IGFBP2: variants seen among roughly 807,000 people sequenced by gnomAD.
IGFBP2 encodes insulin-like growth factor-binding protein 2.
IGFBP2 carries 12 observed loss-of-function variants against 26.2 expected under a neutral mutation model. The ratio of observed to expected loss-of-function variants is 0.46; its 90% CI spans 0.29 to 0.74. The LOEUF (loss-of-function observed/expected upper bound fraction) is 0.74. Among genes scored for constraint, IGFBP2 ranks in the 30% least tolerant of loss-of-function variants. IGFBP2 has a pLI of 0.09. For missense variants in IGFBP2, 328 were observed against 441.2 expected (o/e 0.74, Z 2.30); for synonymous variants, 189 against 200.6 (o/e 0.94, Z 0.49).
intron 1 of IGFBP2, among the ~76,000 whole-genome samples, chr2:216,658,653 A>G (rs1453481172): frequency 2.0e-5 from 3 of 152,006 alleles, no homozygotes; most frequent in Non-Finnish European, 4.4e-5. Flanking sequence ...GGGTTCAAGC[A>G]ATTGTCCTGT....
At chr2:216,660,428 A>G in intron 1 of IGFBP2, 129 bp from the exon 2 acceptor site, 1 of 648,704 alleles carries the variant, frequency 1.5e-6, no homozygotes. Flanking sequence ...GGGCCCTGAC[A>G]GGCCATCAGC....
intron 1 of IGFBP2, among the ~76,000 whole-genome samples, chr2:216,635,967 T>G (rs1697486528): frequency 6.6e-6 from 1 of 150,954 alleles, no homozygotes; most frequent in Non-Finnish European, 1.5e-5. Context: ...GGGGTGGGGC[T>G]GGAAGCTGAG....
chr2:216,660,711 C>T lies in IGFBP2; in HGVS notation c.597C>T (p.His199=), dbSNP rs746132029. The change falls in exon 2 of 4, where the codon CAC becomes CAT. Residue 199 remains histidine (H), a synonymous_variant. Transcript: ENST00000233809. ...AVFREKVTEQ[H]RQMGKGGKHH... ...TCCGGGAGAAGGTCACTGAGCAGCA[C>T]CGGCAGATGGGCAAGGGTGGCAAGC... 6.2e-7 allele frequency: 1 copy of T among 1,613,888 alleles called. No homozygotes were observed. Among genetic ancestry groups the T allele is most frequent in the Non-Finnish European group, 8.5e-7 (1 of 1,179,978 alleles).
chr2:216,646,615 C>G (rs1250343137), intron 1 of IGFBP2, among the ~76,000 whole-genome samples: 3 of 152,244 alleles, frequency 2.0e-5, no homozygotes, highest in Non-Finnish European at 4.4e-5. Flanking sequence ...TTAATAGACT[C>G]ACAGTTCCAT....
rs760561663 is a variant in IGFBP2, at chr2:216,660,779, C to T, written c.665C>T (p.Pro222Leu). 8.9e-6 allele frequency: 14 copies of T among 1,581,904 alleles called. No homozygotes were observed. The highest frequency in any genetic ancestry group is 1.0e-5 in the Non-Finnish European group (12 of 1,165,098). The change falls in exon 2 of 4, where the codon CCT becomes CTT. Residue 222 changes from proline (P) to leucine (L), a missense_variant. Physicochemically the swap from Pro to Leu is moderately conservative, Grantham distance 98. Coordinates refer to ENST00000233809, the MANE Select transcript of IGFBP2 (RefSeq NM_000597.3). ...LEEPKKLRPP[P>L]ARTPCQQELD... is the part of the protein sequence containing the mutation. ...GAGCCCAAGAAGCTGCGACCACCCC[C>T]TGCCAGGGTCAGTGAGGGTCAGGTC...
At chr2:216,660,892 G>T (rs1688626943) in intron 2 of IGFBP2, 106 bp downstream of exon 2, 1 of 832,918 alleles carries the variant, frequency 1.2e-6, no homozygotes, top group African/African-American at 1.7e-5. Context: ...TGACCTGTAG[G>T]CAAAGCACTT....
chr2:216,652,864 C>CTAT (rs1457465589), intron 1 of IGFBP2, among the ~76,000 whole-genome samples: 1 of 152,134 alleles, frequency 6.6e-6, no homozygotes, highest in East Asian at 1.9e-4. Context: ...GCTTGGAATG[C>CTAT]TATTACCTGT....
intron 1 of IGFBP2, among the ~76,000 whole-genome samples, chr2:216,643,856 T>G (rs1201747193): frequency 6.6e-6 from 1 of 152,094 alleles, no homozygotes. Context: ...CAGAGAAATG[T>G]GTTGGTTTTC....
At chr2:216,634,929 A>C (rs1290074201) in intron 1 of IGFBP2, among the ~76,000 whole-genome samples, 3 of 134,470 alleles carry the variant, frequency 2.2e-5, no homozygotes, top group Non-Finnish European at 4.8e-5. Flanking sequence ...CTCCTGCCCC[A>C]GTGGTCGGGA....
At chr2:216,652,632 G>A (rs9341171) in intron 1 of IGFBP2, among the ~76,000 whole-genome samples, 10 of 152,332 alleles carry the variant, frequency 6.6e-5, no homozygotes, top group Non-Finnish European at 8.8e-5. Flanking sequence ...TTAATGAATC[G>A]TCCACTGCTA....
chr2:216,634,906 T>TTA lies in IGFBP2; in HGVS notation c.442+941_442+942insTA, dbSNP rs371560018. ...TAAGGAGGTTACTTTTTTTTTTTTTTAATTACGAAAGCCTCCTGCCCCAGT... is the reference window on the plus strand; with the variant it reads ...TAAGGAGGTTACTTTTTTTTTTTTTTTAAATTACGAAAGCCTCCTGCCCCAGT... On this transcript the variant is annotated intron_variant, in intron 1 of 3. Coordinates refer to ENST00000233809, the MANE Select transcript of IGFBP2 (RefSeq NM_000597.3). Among the ~76,000 whole-genome samples, 804 of 128,518 alleles carry TTA rather than the reference T, an allele frequency of 6.3e-3. 23 individuals are homozygous for TTA. Among genetic ancestry groups the TTA allele is most frequent in the African/African-American group, 0.02 (692 of 35,412 alleles). 84.3% of individuals were successfully genotyped at this position (128,518 alleles called of 152,430 possible). A position where few individuals can be genotyped will look rare whatever the true frequency, so the allele number is the denominator to read the frequency against.
At position 216,638,647 on chromosome 2, in the gene IGFBP2, T is replaced by C. The variant is rs182966067; in HGVS notation, c.442+4682T>C. ...GGCCCAGTCATCAGGTGGCTTCCAG[T>C]TGGTTCTCAGCTGGGCTGTTCACAC... On this transcript the variant is annotated intron_variant, in intron 1 of 3. Transcript: ENST00000233809. Among the ~76,000 whole-genome samples, 770 of 152,300 alleles carry C rather than the reference T, an allele frequency of 5.1e-3. 2 individuals carry two copies. The highest frequency in any genetic ancestry group is 8.8e-3 in the Admixed American group (134 of 15,294).
chr2:216,648,912 A>G (rs1697766320), intron 1 of IGFBP2, among the ~76,000 whole-genome samples: 1 of 152,188 alleles, frequency 6.6e-6, no homozygotes, highest in African/African-American at 2.4e-5. Flanking sequence ...CAGCCCTGAG[A>G]GGTGACTTTT....
At chr2:216,648,381 G>A (rs929326449) in intron 1 of IGFBP2, among the ~76,000 whole-genome samples, 7 of 152,170 alleles carry the variant, frequency 4.6e-5, no homozygotes, top group African/African-American at 1.7e-4. Flanking sequence ...TCATTTCCGA[G>A]TTCTTCATGG....
Position 216,658,475 on chromosome 2 carries a change from T to C in IGFBP2, c.443-2082T>C, listed in dbSNP as rs191059167. Among the ~76,000 whole-genome samples, 476 of 152,274 alleles carry C rather than the reference T, an allele frequency of 3.1e-3. 3 individuals carry two copies. Among genetic ancestry groups the C allele is most frequent in the African/African-American group, 0.011 (448 of 41,568 alleles). On this transcript the variant is annotated intron_variant, in intron 1 of 3. Transcript: ENST00000233809. ...CATTCGTCATTGTCATCATCATCAG[T>C]GTAATAACCAGCAGCAACATGGATA...
At chr2:216,635,189 A>G (rs921782021) in intron 1 of IGFBP2, among the ~76,000 whole-genome samples, 12 of 152,054 alleles carry the variant, frequency 7.9e-5, no homozygotes, top group African/African-American at 2.7e-4. Flanking sequence ...ATTAGGGGTC[A>G]GAGTTGAAAT....
At chr2:216,660,483 C>G in intron 1 of IGFBP2, 74 bp from the exon 2 acceptor site, 1 of 1,102,984 alleles carries the variant, frequency 9.1e-7, no homozygotes, top group Non-Finnish European at 1.3e-6. Flanking sequence ...TCATTACGGT[C>G]CAGGTGGCTC....
chr2:216,644,149 T>C (rs1697665876), intron 1 of IGFBP2, among the ~76,000 whole-genome samples: 1 of 150,118 alleles, frequency 6.7e-6, no homozygotes, highest in Non-Finnish European at 1.5e-5. Flanking sequence ...ACAGAGCAAC[T>C]GTAGTCAGGA....
At chr2:216,644,554 A>T (rs1697674916) in intron 1 of IGFBP2, among the ~76,000 whole-genome samples, 1 of 151,890 alleles carries the variant, frequency 6.6e-6, no homozygotes, top group African/African-American at 2.4e-5. Flanking sequence ...AGTTGAGAAG[A>T]GGGGGGTGTT....
Sources: allele counts gnomAD v4.1 joint callset (sites outside exome capture counted in the v4.1 genomes callset), GRCh38; gene constraint gnomAD v4.1.1; transcripts MANE v1.5; gene names NCBI Gene and HGNC (gene_info 2026-07-23, HGNC 2026-07-21).